Variants in PCDH15 observed in about 807,000 individuals in gnomAD.
The protein encoded by PCDH15 is protocadherin-15.
In PCDH15, 129 loss-of-function variants were observed where a neutral mutation model predicts 178.5. That is an observed-to-expected ratio of 0.72 (90% CI 0.63 to 0.84). The LOEUF is 0.84. PCDH15 is among the 40% of genes least tolerant of loss of function. PCDH15 has a pLI of 0.00. For synonymous variants in PCDH15, 800 were observed against 732.0 expected, an observed-to-expected ratio of 1.09 and a Z score of -1.50; for missense variants, 2,230 against 2,099.9, an observed-to-expected ratio of 1.06 and a Z score of -1.21.
chr10:54,459,590 T>C (rs1459757242), intron 3 of PCDH15, among the ~76,000 whole-genome samples: 1 of 152,064 alleles, frequency 6.6e-6, no homozygotes, highest in Non-Finnish European at 1.5e-5. Context: ...GAGATTGACG[T>C]GAAGTCAGTG....
At chr10:54,724,570 G>C (rs979618532) in intron 1 of PCDH15, among the ~76,000 whole-genome samples, 2 of 151,446 alleles carry the variant, frequency 1.3e-5, no homozygotes, top group Non-Finnish European at 3.0e-5. Context: ...TAGCTGTAGA[G>C]AGTAGTATAT....
At chr10:53,968,510 C>T (rs2089295438) in intron 21 of PCDH15, among the ~76,000 whole-genome samples, 1 of 152,230 alleles carries the variant, frequency 6.6e-6, no homozygotes, top group South Asian at 2.1e-4. Flanking sequence ...GTAGTGCTTC[C>T]CCCAGCACAG....
At chr10:54,948,357 T>C (rs1367757028) in intron 2 of PCDH15, among the ~76,000 whole-genome samples, 1 of 151,958 alleles carries the variant, frequency 6.6e-6, no homozygotes, top group African/African-American at 2.4e-5. Flanking sequence ...ATTCAGGTCA[T>C]CAAGTAATTG....
At chr10:54,275,292 A>T (rs1248705735) in intron 8 of PCDH15, among the ~76,000 whole-genome samples, 1 of 151,890 alleles carries the variant, frequency 6.6e-6, no homozygotes, top group Admixed American at 6.6e-5. Context: ...ATATTTTACA[A>T]GTTTAACTCA....
At chr10:53,922,156 CACA>C (rs1276685533) in intron 25 of PCDH15, among the ~76,000 whole-genome samples, 12 of 152,032 alleles carry the variant, frequency 7.9e-5, no homozygotes, top group Non-Finnish European at 1.5e-5. Flanking sequence ...TCTAACATGT[CACA>C]ACCTACAATC....
intron 2 of PCDH15, among the ~76,000 whole-genome samples, chr10:55,070,140 G>T (rs886100180): frequency 3.3e-5 from 5 of 150,856 alleles, no homozygotes; most frequent in Admixed American, 2.0e-4. Context: ...TTTTTTTCTT[G>T]TAAATTTGTT....
chr10:55,008,012 T>A (rs564750006), intron 2 of PCDH15, among the ~76,000 whole-genome samples: 7 of 152,302 alleles, frequency 4.6e-5, no homozygotes, highest in South Asian at 4.1e-4. Context: ...CAAAAAATGT[T>A]AGTATTTAAA....
intron 15 of PCDH15, 131 bp from the exon 16 acceptor site, chr10:54,090,194 T>C: frequency 4.2e-6 from 3 of 718,012 alleles, no homozygotes; most frequent in South Asian, 3.2e-5. Flanking sequence ...GATTAAAGCA[T>C]GGCCTAATGG....
At chr10:55,186,837 G>T (rs920898891) in intron 1 of PCDH15, among the ~76,000 whole-genome samples, 1 of 151,352 alleles carries the variant, frequency 6.6e-6, no homozygotes, top group African/African-American at 2.4e-5. Flanking sequence ...ATCAGATACT[G>T]TTTTATGCTT....
intron 3 of PCDH15, among the ~76,000 whole-genome samples, chr10:54,522,832 A>G (rs7358120): frequency 0.02 from 2,978 of 152,310 alleles, 106 homozygotes; most frequent in African/African-American, 0.067. Context: ...AGAGAATTGC[A>G]AGCAGGTGGT....
intron 2 of PCDH15, among the ~76,000 whole-genome samples, chr10:55,407,539 A>T (rs887526085): frequency 1.3e-5 from 2 of 152,126 alleles, no homozygotes; most frequent in Non-Finnish European, 2.9e-5. Context: ...AACCTCTCTA[A>T]GTCTCTATCA....
At chr10:54,680,801 G>A (rs2094885942) in intron 1 of PCDH15, among the ~76,000 whole-genome samples, 1 of 152,158 alleles carries the variant, frequency 6.6e-6, no homozygotes, top group Admixed American at 6.5e-5. Flanking sequence ...CCAGCCATGT[G>A]GAACTGTGAG....
At chr10:53,905,432 C>A (rs1304009311) in intron 25 of PCDH15, among the ~76,000 whole-genome samples, 1 of 152,186 alleles carries the variant, frequency 6.6e-6, no homozygotes, top group Non-Finnish European at 1.5e-5. Context: ...CTCCCGAGTT[C>A]ATGCCATTCT....
intron 2 of PCDH15, among the ~76,000 whole-genome samples, chr10:55,381,153 C>A (rs1461451610): frequency 1.3e-5 from 2 of 152,038 alleles, no homozygotes; most frequent in African/African-American, 4.8e-5. Context: ...AAAGTGAGCT[C>A]CTATGACAAT....
At chr10:55,533,877 A>G in intron 2 of PCDH15, among the ~76,000 whole-genome samples, 1 of 152,088 alleles carries the variant, frequency 6.6e-6, no homozygotes, top group East Asian at 1.9e-4. Flanking sequence ...TTGCTACAAA[A>G]ACAGATACAT....
At chr10:54,861,204 C>A (rs1195288458) in intron 3 of PCDH15, among the ~76,000 whole-genome samples, 1 of 152,006 alleles carries the variant, frequency 6.6e-6, no homozygotes, top group Non-Finnish European at 1.5e-5. Context: ...AAAGTAAAGG[C>A]AGATGCATTG....
rs190196354 is a variant in PCDH15, at chr10:54,368,143, G to A, written c.474+977C>T. 3.9e-3 allele frequency among the ~76,000 whole-genome samples: 592 copies of A among 151,894 alleles called. 1 individual carries two copies. Among genetic ancestry groups the A allele is most frequent in the Non-Finnish European group, 6.0e-3 (409 of 67,908 alleles). ...GTTTTTAAGTTATATAATTTAGAAA[G>A]TCTCAGATTACAAGGAACATAATTT... On this transcript the variant is annotated intron_variant, in intron 5 of 37. Transcript: ENST00000644397.
intron 1 of PCDH15, among the ~76,000 whole-genome samples, chr10:54,797,220 A>G (rs1048072928): frequency 3.3e-5 from 5 of 152,068 alleles, no homozygotes; most frequent in African/African-American, 4.8e-5. Context: ...AGCCATACAG[A>G]AAGTTACACC....
At position 55,044,342 on chromosome 10, in the gene PCDH15, CTCT is replaced by C. The variant is rs569329150; in HGVS notation, c.-80+122231_-80+122233del. ...AGTAAACATAACTTTCAATTTGTTT[CTCT>C]TCTTTGAACAATTGGCAATAACCTC... is the stretch of plus-strand genomic sequence containing the variant. On this transcript the variant is annotated intron_variant, in intron 2 of 5. Transcript: ENST00000458638. Among the ~76,000 whole-genome samples the C allele has an allele frequency of 6.4e-4, 97 of 152,200 alleles. 3 individuals are homozygous for C. In the East Asian group the frequency reaches 0.018, roughly 28 times the overall value.
Sources: allele counts gnomAD v4.1 joint callset (sites outside exome capture counted in the v4.1 genomes callset), GRCh38; gene constraint gnomAD v4.1.1; transcripts MANE v1.5; gene names NCBI Gene and HGNC (gene_info 2026-07-23, HGNC 2026-07-21).